Variants in PUDP observed in about 807,000 individuals in gnomAD.
PUDP encodes the protein pseudouridine 5'-phosphatase, also known as pseudouridine-5'-phosphatase.
Under a neutral mutation model 9.4 loss-of-function variants are expected in PUDP, and 8 were observed. The ratio of observed to expected loss-of-function variants is 0.85; its 90% confidence interval spans 0.50 to 1.53. The LOEUF is 1.53. PUDP is among the 40% of genes most tolerant of loss of function. The probability of loss-of-function intolerance (pLI) is 0.00; values close to 1 mark genes in which losing one functional copy is unlikely to be tolerated. For synonymous variants in PUDP, 99 were observed against 80.7 expected (o/e 1.23, Z -1.22); for missense variants, 188 against 189.7 (o/e 0.99, Z 0.05).
intron 3 of PUDP, among the ~76,000 whole-genome samples, chrX:6,757,719 T>C (rs1569093460): frequency 2.7e-5 from 3 of 112,247 alleles, no homozygotes; most frequent in Admixed American, 9.4e-5. Context: ...TAGAGAGAGA[T>C]GTCACTGGGC....
intron 3 of PUDP, among the ~76,000 whole-genome samples, chrX:6,888,763 A>G (rs1189166280): frequency 8.9e-6 from 1 of 112,328 alleles, no homozygotes; most frequent in Non-Finnish European, 1.9e-5. Context: ...TAATGACTCC[A>G]GAGAGACGCC....
intron 3 of PUDP, among the ~76,000 whole-genome samples, chrX:6,757,149 G>A (rs949309296): frequency 6.3e-5 from 7 of 111,887 alleles, no homozygotes; most frequent in Non-Finnish European, 9.4e-5. Flanking sequence ...GATCATTGTG[G>A]GCAGGATTGC....
At chrX:6,940,469 C>T in intron 3 of PUDP, among the ~76,000 whole-genome samples, 1 of 112,408 alleles carries the variant, frequency 8.9e-6, no homozygotes, top group Admixed American at 9.4e-5. Context: ...TCTGCTTCAT[C>T]ACTAGGCAAA....
At chrX:6,979,141 G>T (rs763775362) in intron 1 of PUDP, among the ~76,000 whole-genome samples, 3 of 111,951 alleles carry the variant, frequency 2.7e-5, no homozygotes, top group Non-Finnish European at 5.6e-5. Flanking sequence ...GTTATGTCGC[G>T]TAATAGTATG....
chrX:6,960,973 A>C (rs1361717709), intron 3 of PUDP, among the ~76,000 whole-genome samples: 2 of 112,151 alleles, frequency 1.8e-5, no homozygotes, highest in Admixed American at 1.9e-4. Context: ...TTTTTTTACA[A>C]AAACAAGATG....
chrX:6,984,489 T>C (rs1200973109), intron 1 of PUDP, among the ~76,000 whole-genome samples: 1 of 111,585 alleles, frequency 9.0e-6, no homozygotes, highest in African/African-American at 3.3e-5. Context: ...AAAAATTAAA[T>C]GGGGAGGAGA....
At chrX:6,729,689 C>G in intron 3 of PUDP, among the ~76,000 whole-genome samples, 1 of 111,253 alleles carries the variant, frequency 9.0e-6, no homozygotes. Flanking sequence ...TCCTTTTTCT[C>G]TTTTTTCCTT....
At chrX:6,895,858 C>A (rs893455510) in intron 3 of PUDP, among the ~76,000 whole-genome samples, 1 of 110,782 alleles carries the variant, frequency 9.0e-6, no homozygotes, top group Non-Finnish European at 1.9e-5. Context: ...GGTGGGGACT[C>A]GCTTCCTAGT....
intron 1 of PUDP, among the ~76,000 whole-genome samples, chrX:7,138,328 C>A (rs1346057211): frequency 1.8e-5 from 2 of 109,712 alleles, no homozygotes; most frequent in African/African-American, 3.3e-5. Context: ...CCAATGGGCA[C>A]CCAGTTTAAG....
chrX:7,019,917 C>T (rs1490966582), intron 1 of PUDP, among the ~76,000 whole-genome samples: 3 of 109,819 alleles, frequency 2.7e-5, no homozygotes, highest in Non-Finnish European at 5.7e-5. Flanking sequence ...TCAGATGTAA[C>T]ATGAAAAATT....
chrX:6,923,118 T>C (rs985949651), intron 3 of PUDP, among the ~76,000 whole-genome samples: 2 of 111,651 alleles, frequency 1.8e-5, no homozygotes, highest in Non-Finnish European at 1.9e-5. Flanking sequence ...TTTGATACAG[T>C]GGACTGCTTT....
chrX:6,813,640 C>A (rs977994470), intron 3 of PUDP, among the ~76,000 whole-genome samples: 2 of 111,567 alleles, frequency 1.8e-5, no homozygotes, highest in Non-Finnish European at 3.8e-5. Flanking sequence ...TCTCCTGCTT[C>A]TGATTTTTCC....
chrX:6,945,196 G>A (rs1928447588), intron 3 of PUDP, among the ~76,000 whole-genome samples: 1 of 110,928 alleles, frequency 9.0e-6, no homozygotes, highest in South Asian at 3.8e-4. Context: ...TTTGGCTTTG[G>A]GGTACCGGGT....
chrX:6,929,246 G>C (rs1928153199), intron 3 of PUDP, among the ~76,000 whole-genome samples: 2 of 112,743 alleles, frequency 1.8e-5, no homozygotes, highest in Admixed American at 1.9e-4. Context: ...AGCTAAATGT[G>C]AGTGACCAAT....
intron 2 of PUDP, among the ~76,000 whole-genome samples, chrX:7,092,653 G>C (rs896597660): frequency 9.0e-6 from 1 of 111,597 alleles, no homozygotes; most frequent in East Asian, 2.8e-4. Flanking sequence ...GAGATGAAAG[G>C]TCCCACCGTA....
chrX:6,715,317 C>G (rs766350597), intron 1 of PUDP, among the ~76,000 whole-genome samples: 1 of 111,133 alleles, frequency 9.0e-6, no homozygotes, highest in Non-Finnish European at 1.9e-5. Flanking sequence ...CATCCATGCT[C>G]TGGATACTTC....
chrX:6,757,642 T>A (rs1662585768), intron 3 of PUDP, among the ~76,000 whole-genome samples: 1 of 112,266 alleles, frequency 8.9e-6, no homozygotes, highest in Admixed American at 9.4e-5. Context: ...AATTAAAAAG[T>A]CTGAACAAGG....
chrX:7,129,647 G>A lies in PUDP; in HGVS notation c.61+18406C>T, dbSNP rs561943868. On this transcript the variant is annotated intron_variant, in intron 1 of 3. Transcript: ENST00000381077. ...GCAACAACAGTGACCAGTGACCATC[G>A]CCTCTCAGGGAAGTGCCATTTACTA... Among the ~76,000 whole-genome samples, 12 of 112,282 alleles carry A rather than the reference G, an allele frequency of 1.1e-4. No individual in the cohort carries two copies. The East Asian group carries it at 1.7e-3, about 16-fold the overall frequency.
intron 1 of PUDP, among the ~76,000 whole-genome samples, chrX:7,113,976 T>TG (rs1932123868): frequency 9.0e-6 from 1 of 111,530 alleles, no homozygotes; most frequent in Admixed American, 9.5e-5. Context: ...TTCTTGCTGG[T>TG]GGGGACTCCA....
Sources: allele counts gnomAD v4.1 joint callset (sites outside exome capture counted in the v4.1 genomes callset), GRCh38; gene constraint gnomAD v4.1.1; transcripts MANE v1.5; gene names NCBI Gene and HGNC (gene_info 2026-07-23, HGNC 2026-07-21).